Variants in ARMH3 observed in about 807,000 individuals in gnomAD.
The protein encoded by ARMH3 is armadillo-like helical domain-containing protein 3.
A neutral mutation model predicts 99.1 loss-of-function variants in ARMH3; 60 were observed. The observed-to-expected ratio is 0.61, with a 90% confidence interval of 0.49 to 0.75. ARMH3 has a LOEUF of 0.75. ARMH3 is among the 30% of genes least tolerant of loss of function. ARMH3 has a pLI of 0.00. For missense variants in ARMH3, 679 were observed against 843.1 expected (o/e 0.81, Z 2.41); for synonymous variants, 285 against 292.8 (o/e 0.97, Z 0.27).
intron 24 of ARMH3, among the ~76,000 whole-genome samples, chr10:101,871,946 G>C (rs776934901): frequency 3.3e-5 from 5 of 151,952 alleles, no homozygotes; most frequent in Non-Finnish European, 7.4e-5. Context: ...GTTGCAGTGA[G>C]CCGAGAATGT....
chr10:101,988,612 T>C (rs1033291617), intron 19 of ARMH3, among the ~76,000 whole-genome samples: 5 of 152,114 alleles, frequency 3.3e-5, no homozygotes, highest in Non-Finnish European at 7.3e-5. Context: ...CAAGACTATA[T>C]AGTTTATAAG....
At chr10:101,942,584 G>A (rs979775814) in intron 22 of ARMH3, among the ~76,000 whole-genome samples, 8 of 152,104 alleles carry the variant, frequency 5.3e-5, no homozygotes, top group African/African-American at 9.7e-5. Context: ...TTAGTGAGCC[G>A]GGCACAGTGG....
chr10:101,983,751 T>C (rs538577152), intron 19 of ARMH3, among the ~76,000 whole-genome samples: 1 of 152,162 alleles, frequency 6.6e-6, no homozygotes, highest in South Asian at 2.1e-4. Context: ...CTTTCAGACC[T>C]CACCCTATGT....
At chr10:102,034,346 G>C (rs527258701) in intron 2 of ARMH3, among the ~76,000 whole-genome samples, 1 of 152,034 alleles carries the variant, frequency 6.6e-6, no homozygotes, top group African/African-American at 2.4e-5. Context: ...ACAAGAAAAA[G>C]AGAACCCCGG....
chr10:102,023,014 C>T (rs1257814634), intron 8 of ARMH3, among the ~76,000 whole-genome samples: 1 of 151,870 alleles, frequency 6.6e-6, no homozygotes, highest in South Asian at 2.1e-4. Flanking sequence ...CATGGAGAAA[C>T]CTATCTCCAC....
intron 23 of ARMH3, among the ~76,000 whole-genome samples, chr10:101,918,052 G>T (rs1303770491): frequency 2.0e-5 from 3 of 152,032 alleles, no homozygotes; most frequent in African/African-American, 7.2e-5. Flanking sequence ...TTGTTTGTTT[G>T]TTTGTTTGTT....
At chr10:102,006,425 CAATTTAGTGGGAAA>C in intron 14 of ARMH3, 101 bp downstream of exon 14, 1 of 1,188,092 alleles carries the variant, frequency 8.4e-7, no homozygotes, top group Non-Finnish European at 1.2e-6. Flanking sequence ...TACTACAGAC[CAATTTAGTGGGAAA>C]AATTAACAAC....
At chr10:102,003,481 A>C (rs1425219394) in intron 14 of ARMH3, among the ~76,000 whole-genome samples, 2 of 152,184 alleles carry the variant, frequency 1.3e-5, no homozygotes, top group Non-Finnish European at 2.9e-5. Flanking sequence ...GTCTTAATGT[A>C]GGCTTCCCAA....
chr10:101,983,650 G>T (rs1387608948), intron 19 of ARMH3, among the ~76,000 whole-genome samples: 1 of 152,194 alleles, frequency 6.6e-6, no homozygotes, highest in Non-Finnish European at 1.5e-5. Context: ...ACACATGGAG[G>T]CCTACAGGAA....
intron 1 of ARMH3, among the ~76,000 whole-genome samples, chr10:102,045,925 T>C (rs1277193335): frequency 3.3e-5 from 5 of 151,914 alleles, no homozygotes; most frequent in East Asian, 1.9e-4. Context: ...AGAAACCCCA[T>C]CTCTACTAAA....
intron 4 of ARMH3, among the ~76,000 whole-genome samples, chr10:102,031,973 C>T (rs1334168344): frequency 6.6e-6 from 1 of 152,142 alleles, no homozygotes. Context: ...CTCCTGATCT[C>T]GTGATCCTCC....
rs371134023 is a variant in ARMH3 at position 101,999,283 on chromosome 10, C to T, written c.1150+2688G>A. Among the ~76,000 whole-genome samples, 21 of 152,168 alleles carry T rather than the reference C, an allele frequency of 1.4e-4. No homozygotes were observed. In the East Asian group the frequency reaches 3.1e-3, roughly 22 times the overall value. On this transcript the variant is annotated intron_variant, in intron 15 of 25. Coordinates refer to ENST00000370033, the MANE Select transcript of ARMH3 (RefSeq NM_024541.3). ...TTTGGCTCACTGCAACCTCCGCCTCCCGCATTCAAGCGATTCTTATGCCTC... is the reference window on the plus strand; with the variant it reads ...TTTGGCTCACTGCAACCTCCGCCTCTCGCATTCAAGCGATTCTTATGCCTC...
chr10:102,035,511 C>T (rs2067233657), intron 2 of ARMH3, among the ~76,000 whole-genome samples: 1 of 152,252 alleles, frequency 6.6e-6, no homozygotes, highest in Admixed American at 6.5e-5. Flanking sequence ...CTGCCTGATT[C>T]TCCTGCCTCA....
intron 10 of ARMH3, 77 bp from the exon 11 acceptor site, chr10:102,011,860 G>A: frequency 8.4e-7 from 1 of 1,186,236 alleles, no homozygotes; most frequent in Non-Finnish European, 1.2e-6. Flanking sequence ...GGGGTAATCA[G>A]GGCAGAGCAC....
At chr10:101,995,265 C>T in intron 16 of ARMH3, 32 bp downstream of exon 16, 2 of 1,586,520 alleles carry the variant, frequency 1.3e-6, no homozygotes, top group Non-Finnish European at 1.7e-6. Flanking sequence ...TTGTAAAAGA[C>T]TGCCTAATAG....
intron 1 of ARMH3, among the ~76,000 whole-genome samples, chr10:102,048,961 C>G (rs762631316): frequency 2.0e-5 from 3 of 152,138 alleles, no homozygotes; most frequent in Non-Finnish European, 4.4e-5. Context: ...TCTCCAAGCC[C>G]CAGCCCTTCA....
intron 24 of ARMH3, among the ~76,000 whole-genome samples, chr10:101,871,619 G>A (rs1234176376): frequency 6.6e-6 from 1 of 152,094 alleles, no homozygotes; most frequent in Non-Finnish European, 1.5e-5. Flanking sequence ...GGGGGGGAAA[G>A]AACATTTACC....
intron 10 of ARMH3, 34 bp from the exon 11 acceptor site, chr10:102,011,817 T>A (rs1452390838): frequency 1.3e-6 from 2 of 1,544,816 alleles, no homozygotes; most frequent in Non-Finnish European, 1.8e-6. Flanking sequence ...ACTTTAGGAT[T>A]GTTTATCAAT....
chr10:101,939,888 C>T lies in ARMH3; in HGVS notation c.1756G>A (p.Val586Met). 1 of 1,613,816 alleles carries T rather than the reference C, an allele frequency of 6.2e-7. No homozygotes were observed. The change falls in exon 23 of 26, where the codon GTG becomes ATG. Residue 586 changes from valine to methionine, a missense_variant. This residue lies in a region of ARMH3 where 389 missense variants were observed against 456.5 expected (regional missense o/e 0.85). Coordinates refer to ENST00000370033, the MANE Select transcript of ARMH3 (RefSeq NM_024541.3). ...CTGATATTAACCAATGCATGGGTCACCTTGCTAGCTGCTTCCTTCCACTGG... is the reference window on the plus strand; with the variant it reads ...CTGATATTAACCAATGCATGGGTCATCTTGCTAGCTGCTTCCTTCCACTGG... The part of the protein sequence containing the change: ...AGQWKEAASK[V>M]THALVNIRAI...
Sources: allele counts gnomAD v4.1 joint callset (sites outside exome capture counted in the v4.1 genomes callset), GRCh38; gene constraint gnomAD v4.1.1; regional missense constraint gnomAD v4.1.1; transcripts MANE v1.5; gene names NCBI Gene and HGNC (gene_info 2026-07-23, HGNC 2026-07-21).